MDGA2: variants seen among roughly 807,000 people sequenced by gnomAD.
MDGA2 encodes the protein MAM domain containing glycosylphosphatidylinositol anchor 2, also known as MAM domain-containing glycosylphosphatidylinositol anchor protein 2.
Under a neutral mutation model 117.8 loss-of-function variants are expected in MDGA2, and 40 were observed. The ratio of observed to expected loss-of-function variants is 0.34; its 90% confidence interval spans 0.26 to 0.44. The LOEUF is 0.44. Among genes scored for constraint, MDGA2 ranks in the 20% least tolerant of loss-of-function variants. The pLI is 1.00. For missense variants in MDGA2, 1,123 were observed against 1,250.6 expected, an observed-to-expected ratio of 0.90 and a Z score of 1.54; for synonymous variants, 452 against 439.0, an observed-to-expected ratio of 1.03 and a Z score of -0.37.
At chr14:47,116,171 C>CA (rs1489327938) in intron 5 of MDGA2, among the ~76,000 whole-genome samples, 1 of 151,594 alleles carries the variant, frequency 6.6e-6, no homozygotes, top group Non-Finnish European at 1.5e-5. Flanking sequence ...ACAATAACAC[C>CA]AAAAAAATTA....
intron 1 of MDGA2, among the ~76,000 whole-genome samples, chr14:47,486,255 TTTAGA>T (rs1379543242): frequency 6.6e-6 from 1 of 152,192 alleles, no homozygotes; most frequent in Non-Finnish European, 1.5e-5. Flanking sequence ...ATTTTGCAAC[TTTAGA>T]TTAGACTGCC....
chr14:47,285,052 C>A (rs1451745179), intron 2 of MDGA2, among the ~76,000 whole-genome samples: 1 of 152,024 alleles, frequency 6.6e-6, no homozygotes, highest in Non-Finnish European at 1.5e-5. Flanking sequence ...TTGGCCAAGT[C>A]AATATGTTGC....
intron 2 of MDGA2, among the ~76,000 whole-genome samples, chr14:47,235,950 A>G (rs558109193): frequency 1.5e-3 from 222 of 152,228 alleles, no homozygotes; most frequent in Non-Finnish European, 2.7e-3. Flanking sequence ...ACCAATGCCA[A>G]TGCGTGGGTC....
intron 7 of MDGA2, chr14:47,059,171 A>C (rs1594576927): frequency 2.5e-6 from 2 of 804,976 alleles, no homozygotes; most frequent in Non-Finnish European, 3.3e-6. Flanking sequence ...TCATTTTGTT[A>C]GTTAATAATT....
chr14:47,119,617 G>A (rs964439524), intron 5 of MDGA2, among the ~76,000 whole-genome samples: 1 of 152,006 alleles, frequency 6.6e-6, no homozygotes, highest in African/African-American at 2.4e-5. Context: ...CTAACATTAC[G>A]GCTTTCTTCA....
At chr14:47,153,518 G>A (rs1382438827) in intron 3 of MDGA2, among the ~76,000 whole-genome samples, 1 of 152,054 alleles carries the variant, frequency 6.6e-6, no homozygotes, top group African/African-American at 2.4e-5. Context: ...GGTTGACGCA[G>A]CTCCTCCAGT....
At chr14:46,880,042 G>A (rs1882381702) in intron 11 of MDGA2, among the ~76,000 whole-genome samples, 1 of 152,136 alleles carries the variant, frequency 6.6e-6, no homozygotes, top group African/African-American at 2.4e-5. Flanking sequence ...AAAGAATCAC[G>A]TTTGGCCGGG....
rs558125949 is a variant in MDGA2 at position 47,096,645 on chromosome 14, T to C, written c.1195+209A>G. On this transcript the variant is annotated intron_variant, in intron 6 of 16. Transcript: ENST00000399232. ...ATCACTAAGAATATGTTATGAAAGC[T>C]ATTCAACGCATATATAAAGCACTGT... Among the ~76,000 whole-genome samples, 3 of 152,186 alleles carry C rather than the reference T, an allele frequency of 2.0e-5. No homozygotes were observed. In the South Asian group the frequency reaches 6.2e-4, roughly 32 times the overall value.
At chr14:47,387,394 C>T (rs1043121004) in intron 1 of MDGA2, among the ~76,000 whole-genome samples, 1 of 151,838 alleles carries the variant, frequency 6.6e-6, no homozygotes, top group African/African-American at 2.4e-5. Context: ...TTGTTATGAC[C>T]CTATCACGCA....
intron 8 of MDGA2, among the ~76,000 whole-genome samples, chr14:46,958,532 A>G (rs190322899): frequency 2.0e-5 from 3 of 152,350 alleles, no homozygotes; most frequent in African/African-American, 7.2e-5. Flanking sequence ...CAGAGGGAAG[A>G]GACAAGTTGC....
chr14:47,548,492 C>T (rs561818547), intron 1 of MDGA2, among the ~76,000 whole-genome samples: 1 of 152,256 alleles, frequency 6.6e-6, no homozygotes, highest in South Asian at 2.1e-4. Context: ...TACTTTGTTA[C>T]ATGCATCCAT....
At chr14:47,458,208 G>A (rs2138585790) in intron 1 of MDGA2, among the ~76,000 whole-genome samples, 1 of 152,210 alleles carries the variant, frequency 6.6e-6, no homozygotes, top group East Asian at 1.9e-4. Context: ...CATATGGTTT[G>A]TAAATATTTT....
chr14:46,928,291 GTAA>G (rs1038830024), intron 9 of MDGA2, among the ~76,000 whole-genome samples: 3 of 152,088 alleles, frequency 2.0e-5, no homozygotes, highest in African/African-American at 4.8e-5. Flanking sequence ...TGATAAATTT[GTAA>G]TAATATGTCT....
chr14:47,608,238 C>T (rs1335407406), intron 1 of MDGA2, among the ~76,000 whole-genome samples: 1 of 152,068 alleles, frequency 6.6e-6, no homozygotes, highest in Non-Finnish European at 1.5e-5. Flanking sequence ...AGTAGTTCCT[C>T]GTGAATTGCG....
At chr14:47,487,784 A>G (rs1265273778) in intron 1 of MDGA2, among the ~76,000 whole-genome samples, 1 of 152,172 alleles carries the variant, frequency 6.6e-6, no homozygotes, top group Non-Finnish European at 1.5e-5. Context: ...ATTGAAAATT[A>G]ACTTTTCTTT....
intron 2 of MDGA2, among the ~76,000 whole-genome samples, chr14:47,288,953 A>G (rs552888711): frequency 6.6e-6 from 1 of 152,152 alleles, no homozygotes; most frequent in African/African-American, 2.4e-5. Flanking sequence ...AGCGTAATTT[A>G]GAATAAATGT....
chr14:47,179,812 C>G (rs1884626842), intron 3 of MDGA2, among the ~76,000 whole-genome samples: 1 of 152,064 alleles, frequency 6.6e-6, no homozygotes, highest in Non-Finnish European at 1.5e-5. Context: ...CTCACAGATT[C>G]ATGATACTGA....
At chr14:47,599,559 T>TA (rs546538908) in intron 1 of MDGA2, among the ~76,000 whole-genome samples, 1 of 152,104 alleles carries the variant, frequency 6.6e-6, no homozygotes, top group Non-Finnish European at 1.5e-5. Context: ...CAATAGGCCT[T>TA]AAAAAAGTTA....
At chr14:47,040,786 C>CACAAGGACAAAG (rs1889037474) in intron 7 of MDGA2, among the ~76,000 whole-genome samples, 1 of 152,200 alleles carries the variant, frequency 6.6e-6, no homozygotes, top group African/African-American at 2.4e-5. Flanking sequence ...CCCATTTAAC[C>CACAAGGACAAAG]TGTCCTTGTG....
Sources: allele counts gnomAD v4.1 joint callset (sites outside exome capture counted in the v4.1 genomes callset), GRCh38; gene constraint gnomAD v4.1.1; transcripts MANE v1.5; gene names NCBI Gene and HGNC (gene_info 2026-07-23, HGNC 2026-07-21).